The following SLC6A3 variants were observed in gnomAD, a reference collection of about 807,000 sequenced individuals.
SLC6A3 encodes sodium-dependent dopamine transporter.
SLC6A3 carries 19 observed loss-of-function variants against 70.4 expected under a neutral mutation model. That is an observed-to-expected ratio of 0.27 (90% CI 0.19 to 0.40). SLC6A3 has a LOEUF of 0.40. Among genes scored for constraint, SLC6A3 ranks in the 10% least tolerant of loss-of-function variants. The pLI is 1.00. For synonymous variants in SLC6A3, 368 were observed against 356.6 expected, an observed-to-expected ratio of 1.03 and a Z score of -0.36; for missense variants, 613 against 838.5, an observed-to-expected ratio of 0.73 and a Z score of 3.32.
rs3776485 is a variant in SLC6A3, at chr5:1,445,016, G to T, written c.-46+332C>A. ...CACCCCTAGTAGGGTTAAGTTCCAC[G>T]AGAAGAAACCAGGACCCCCGAGTCA... On this transcript the variant is annotated intron_variant, in intron 1 of 14. Transcript: ENST00000270349. Among the ~76,000 whole-genome samples, 17 of 152,280 alleles carry T rather than the reference G, an allele frequency of 1.1e-4. No homozygotes were observed. In the East Asian group the frequency reaches 3.3e-3, roughly 29 times the overall value.
intron 3 of SLC6A3, 98 bp downstream of exon 3, chr5:1,441,261 G>C (rs1296196683): frequency 6.8e-7 from 1 of 1,474,260 alleles, no homozygotes; most frequent in East Asian, 2.3e-5. Flanking sequence ...GCAAAGCAGG[G>C]CTGGATGCCC....
chr5:1,441,315 T>C, intron 3 of SLC6A3, 44 bp downstream of exon 3: 6 of 1,613,408 alleles, frequency 3.7e-6, no homozygotes, highest in Non-Finnish European at 5.1e-6. Flanking sequence ...GTCACCACCA[T>C]GATCCGCGCT....
In SLC6A3 at chr5:1,402,902, C is replaced by T. The variant is rs201843672; in HGVS notation, c.1767+20G>A. 6.6e-5 allele frequency: 107 copies of T among 1,611,494 alleles called. 1 individual carries two copies. Among genetic ancestry groups the T allele is most frequent in the South Asian group, 3.5e-4 (32 of 90,872 alleles). ...TGGTGGCCTCACACTCGGGTGAAGG[C>T]GCCCCGTCCAAATACCCACCTCTCG... is the stretch of plus-strand genomic sequence containing the variant. On this transcript the variant is annotated intron_variant, in intron 13 of 14. Transcript: ENST00000270349. The surrounding 1 kb of genome is among the most constrained non-coding windows in gnomAD (Gnocchi z 8.5).
chr5:1,411,256 C>T lies in SLC6A3; in HGVS notation c.1256G>A (p.Gly419Asp). The T allele has an allele frequency of 6.4e-7, 1 of 1,551,680 alleles. No homozygotes were observed. The highest frequency in any genetic ancestry group is 8.7e-7 in the Non-Finnish European group (1 of 1,147,286). ...CGGGTTACTCACGGCGCTGTCGATACCCAGGGTGAGCAGCATGATGAAGAA... is the reference window on the plus strand; with the variant it reads ...CGGGTTACTCACGGCGCTGTCGATATCCAGGGTGAGCAGCATGATGAAGAA... ...VVFFIMLLTL[G>D]IDSAMGGMES... is the part of the protein sequence containing the mutation. Residue 419 changes from glycine (G) to aspartate (D), a missense_variant, in exon 9 of 15, where the codon GGT becomes GAT. Transcript: ENST00000270349. The surrounding 1 kb of genome is among the most constrained non-coding windows in gnomAD (Gnocchi z 6.5).
At position 1,395,675 on chromosome 5, in the gene SLC6A3, G is replaced by A. The variant is rs139257299; in HGVS notation, c.1840-917C>T. Among the ~76,000 whole-genome samples, 483 of 152,312 alleles carry A rather than the reference G, an allele frequency of 3.2e-3. 5 individuals are homozygous for A. The highest frequency in any genetic ancestry group is 0.01 in the African/African-American group (435 of 41,568). The stretch of plus-strand genomic sequence containing the variant: ...GAAGGAAGCTGGGGTCAGGGAGCCC[G>A]GCCAGGACCCACAGCCACGGGTGGC... On this transcript the variant is annotated intron_variant, in intron 14 of 14. Transcript: ENST00000270349.
At chr5:1,419,549 G>T (rs904828906) in intron 6 of SLC6A3, among the ~76,000 whole-genome samples, 2 of 152,184 alleles carry the variant, frequency 1.3e-5, no homozygotes, top group African/African-American at 4.8e-5. Context: ...TCTGTAACAT[G>T]CCATGGTCCT....
intron 8 of SLC6A3, among the ~76,000 whole-genome samples, chr5:1,414,126 C>A (rs528350729): frequency 6.6e-6 from 1 of 152,102 alleles, no homozygotes; most frequent in Non-Finnish European, 1.5e-5. Context: ...CTGATGTTTG[C>A]GGCATCCCAG....
rs1041814779 is a variant in SLC6A3 at position 1,442,843 on chromosome 5, C to T, written c.286+69G>A. ...CAGCTTCATCTCGTTTCCGTACGTG[C>T]CTTGGCCCCGGCTGCCCCTACGACC... On this transcript the variant is annotated intron_variant, in intron 2 of 14. Coordinates refer to ENST00000270349, the MANE Select transcript of SLC6A3 (RefSeq NM_001044.5). This position sits in a 1 kb window ranked among gnomAD's most constrained non-coding sequence, Gnocchi z 5.0. 213 of 1,523,314 alleles carry T rather than the reference C, an allele frequency of 1.4e-4. 1 individual carries two copies. The East Asian group carries it at 4.8e-3, about 34-fold the overall frequency. The allele number at this position is 1,523,314 out of a possible 1,614,324, so 94.4% of individuals were successfully genotyped here.
chr5:1,416,868 C>T (rs537230412), intron 6 of SLC6A3, among the ~76,000 whole-genome samples: 5 of 152,192 alleles, frequency 3.3e-5, no homozygotes, highest in African/African-American at 7.2e-5. Context: ...ATGACATGAC[C>T]GCAGCGTCCT....
At position 1,404,034 on chromosome 5, in the gene SLC6A3, T is replaced by C. The variant is rs1755913485; in HGVS notation, c.1600-945A>G. Among the ~76,000 whole-genome samples, 1 of 152,246 alleles carries C rather than the reference T, an allele frequency of 6.6e-6. No individual in the cohort carries two copies. Among genetic ancestry groups the C allele is most frequent in the African/African-American group, 2.4e-5 (1 of 41,462 alleles). ...GACACAAGTGAAGCTCTGATAGATA[T>C]GGTTTATGATGTAGCTTAAAATGCA... On this transcript the variant is annotated intron_variant, in intron 12 of 14. Coordinates refer to ENST00000270349, the MANE Select transcript of SLC6A3 (RefSeq NM_001044.5). The surrounding 1 kb of genome is among the most constrained non-coding windows in gnomAD (Gnocchi z 5.2).
intron 4 of SLC6A3, among the ~76,000 whole-genome samples, chr5:1,424,013 G>A (rs978487748): frequency 1.3e-5 from 2 of 152,164 alleles, no homozygotes; most frequent in African/African-American, 4.8e-5. Flanking sequence ...CCAGGAATTC[G>A]GCTCTTCAAA....
chr5:1,433,138 T>G (rs1756744450), intron 3 of SLC6A3, among the ~76,000 whole-genome samples: 1 of 152,072 alleles, frequency 6.6e-6, no homozygotes, highest in South Asian at 2.1e-4. Context: ...TGAGGCCATC[T>G]AGGGGGTACT....
intron 4 of SLC6A3, 54 bp from the exon 5 acceptor site, chr5:1,422,068 ACTGGACGGCTGAGCTTGTCCGGGGAC>A: frequency 6.3e-7 from 1 of 1,586,788 alleles, no homozygotes; most frequent in Non-Finnish European, 8.6e-7. Context: ...CCCACCTGGA[ACTGGACGGCTGAGCTTGTCCGGGGAC>A]CTGCCCTCCC....
intron 4 of SLC6A3, among the ~76,000 whole-genome samples, chr5:1,425,076 GAA>G (rs1172810605): frequency 6.6e-6 from 1 of 152,252 alleles, no homozygotes; most frequent in Non-Finnish European, 1.5e-5. Flanking sequence ...GGGAGGACCA[GAA>G]AAGTGTTGGC....
At chr5:1,409,661 C>T in intron 10 of SLC6A3, 60 bp downstream of exon 10, 1 of 1,605,930 alleles carries the variant, frequency 6.2e-7, no homozygotes, top group Admixed American at 1.7e-5. Context: ...GCCAGGGCGC[C>T]CCGTGCCACG....
intron 8 of SLC6A3, among the ~76,000 whole-genome samples, chr5:1,414,115 G>A (rs1245627042): frequency 6.6e-6 from 1 of 152,146 alleles, no homozygotes; most frequent in Non-Finnish European, 1.5e-5. Flanking sequence ...CTGTGGCCAA[G>A]CTGATGTTTG....
rs1755941484 is a variant in SLC6A3, at chr5:1,405,151, A to G, written c.1599+1037T>C. 6.6e-6 allele frequency among the ~76,000 whole-genome samples: 1 copy of G among 152,234 alleles called. No homozygotes were observed. ...ACAAGCGCAGTTAACTGGACTTGGA[A>G]CACTTACGTGCAGCCACACCACGCG... On this transcript the variant is annotated intron_variant, in intron 12 of 14. Coordinates refer to ENST00000270349, the MANE Select transcript of SLC6A3 (RefSeq NM_001044.5). This position sits in a 1 kb window ranked among gnomAD's most constrained non-coding sequence, Gnocchi z 5.3.
intron 3 of SLC6A3, among the ~76,000 whole-genome samples, chr5:1,435,506 C>G (rs1756808380): frequency 6.6e-6 from 1 of 152,256 alleles, no homozygotes; most frequent in Admixed American, 6.5e-5. Context: ...CCCTGCACCA[C>G]AGATTGGCAG....
Position 1,413,131 on chromosome 5 carries a change from T to C in SLC6A3, c.1156+1560A>G, listed in dbSNP as rs1756167088. ...TGCACAGAAGAACATTCAACTTTAT[T>C]TTCAGGGGTTAATAGAGGTTTTTGC... On this transcript the variant is annotated intron_variant, in intron 8 of 14. Coordinates refer to ENST00000270349, the MANE Select transcript of SLC6A3 (RefSeq NM_001044.5). The surrounding 1 kb of genome is among the most constrained non-coding windows in gnomAD (Gnocchi z 7.1). 6.6e-6 allele frequency among the ~76,000 whole-genome samples: 1 copy of C among 152,232 alleles called. No individual in the cohort carries two copies. The highest frequency in any genetic ancestry group is 2.1e-4 in the South Asian group (1 of 4,838).
Sources: allele counts gnomAD v4.1 joint callset (sites outside exome capture counted in the v4.1 genomes callset), GRCh38; gene constraint gnomAD v4.1.1; non-coding constraint Gnocchi (gnomAD v3.1); transcripts MANE v1.5; gene names NCBI Gene and HGNC (gene_info 2026-07-23, HGNC 2026-07-21).